EIF2AK4: variants seen among roughly 807,000 people sequenced by gnomAD.
The protein encoded by EIF2AK4 is eIF-2-alpha kinase GCN2.
In EIF2AK4, 139 loss-of-function variants were observed where a neutral mutation model predicts 211.1. That is an observed-to-expected ratio of 0.66 (90% CI 0.57 to 0.76). The LOEUF is 0.76. Among genes scored for constraint, EIF2AK4 ranks in the 30% least tolerant of loss-of-function variants. The pLI, the probability that EIF2AK4 is intolerant of heterozygous loss-of-function variation, is 0.00. For synonymous variants in EIF2AK4, 710 were observed against 751.3 expected, an observed-to-expected ratio of 0.94 and a Z score of 0.90; for missense variants, 1,664 against 2,043.8, an observed-to-expected ratio of 0.81 and a Z score of 3.58.
chr15:39,992,769 G>T lies in EIF2AK4; in HGVS notation c.2687G>T (p.Gly896Val), dbSNP rs754914951. The T allele has an allele frequency of 6.2e-7, 1 of 1,614,038 alleles. No homozygotes were observed. The highest frequency in any genetic ancestry group is 2.2e-5 in the East Asian group (1 of 44,880). The change falls in exon 18 of 39, where the codon GGT (glycine) becomes GTT (valine). Residue 896 changes from glycine to valine, a missense_variant and splice_region_variant. Physicochemically the swap from Gly to Val is moderately radical, Grantham distance 109. Coordinates refer to ENST00000263791, the MANE Select transcript of EIF2AK4 (RefSeq NM_001013703.4). Reference protein sequence around the residue: ...TGDLIKSDPSGHLTGMVGTAL... With the variant: ...TGDLIKSDPSVHLTGMVGTAL... The stretch of plus-strand genomic sequence containing the variant: ...TTTCCCTCTGTTTTCCTCCACACAG[G>T]TCACTTAACTGGGATGGTTGGCACT...
At chr15:39,937,794 A>G (rs1210549709) in intron 1 of EIF2AK4, among the ~76,000 whole-genome samples, 1 of 152,098 alleles carries the variant, frequency 6.6e-6, no homozygotes. Context: ...CTCCTCCTCC[A>G]GCTAGGCAGC....
chr15:39,998,656 T>C (rs1184638751), intron 19 of EIF2AK4, 75 bp from the exon 20 acceptor site: 2 of 1,173,062 alleles, frequency 1.7e-6, no homozygotes, highest in African/African-American at 3.1e-5. Context: ...TATTTGATTT[T>C]CTTACTTATG....
At chr15:39,953,796 G>A (rs1280747859) in intron 4 of EIF2AK4, 108 bp from the exon 5 acceptor site, 1 of 1,067,162 alleles carries the variant, frequency 9.4e-7, no homozygotes, top group African/African-American at 1.6e-5. Context: ...CTCTTAGGAA[G>A]AGAGGGTTTG....
intron 22 of EIF2AK4, 79 bp from the exon 23 acceptor site, chr15:40,003,114 C>G (rs2035114420): frequency 1.3e-6 from 2 of 1,564,336 alleles, no homozygotes; most frequent in Non-Finnish European, 1.7e-6. Context: ...ACTTAACTGT[C>G]AGGTTTGTGT....
At position 40,032,353 on chromosome 15, in the gene EIF2AK4, T is replaced by C. The variant is rs1321038217; in HGVS notation, c.4728+116T>C. ...CAGCAGAATTTGGATGCAGGCCTTA[T>C]TGTGATGTGAACTACACGCAATTTA... On this transcript the variant is annotated intron_variant, in intron 36 of 38. Coordinates refer to ENST00000263791, the MANE Select transcript of EIF2AK4 (RefSeq NM_001013703.4). 2.0e-5 allele frequency: 17 copies of C among 829,924 alleles called. 1 individual carries two copies. The highest frequency in any genetic ancestry group is 4.5e-5 in the Admixed American group (2 of 44,918). 51.4% of individuals were successfully genotyped at this position (829,924 alleles called of 1,614,324 possible).
chr15:39,946,036 G>C (rs1188040006), intron 3 of EIF2AK4, among the ~76,000 whole-genome samples: 1 of 152,186 alleles, frequency 6.6e-6, no homozygotes, highest in African/African-American at 2.4e-5. Context: ...AGATGTACAA[G>C]GAGATTAATG....
In EIF2AK4 at chr15:40,016,621, A is replaced by C; in HGVS notation, c.3879A>C (p.Lys1293Asn). The C allele has an allele frequency of 2.5e-6, 4 of 1,614,272 alleles. No homozygotes were observed. The highest frequency in any genetic ancestry group is 3.4e-6 in the Non-Finnish European group (4 of 1,180,046). Residue 1293 changes from lysine to asparagine, a missense_variant, in exon 28 of 39, where the codon AAA (lysine) becomes AAC (asparagine). Around this residue, in one of 7 missense-constraint regions of EIF2AK4, gnomAD observed 622 missense variants for 796.8 expected, o/e 0.78. Coordinates refer to ENST00000263791, the MANE Select transcript of EIF2AK4 (RefSeq NM_001013703.4). The part of the protein sequence containing the change: ...GIAQLVKYGL[K>N]DLEEVVGLLK... ...CACAGTTGGTGAAGTATGGCTTAAAAGACCTAGAGGAGGTTGTTGGACTGT... is the reference window on the plus strand; with the variant it reads ...CACAGTTGGTGAAGTATGGCTTAAACGACCTAGAGGAGGTTGTTGGACTGT...
intron 9 of EIF2AK4, among the ~76,000 whole-genome samples, chr15:39,972,087 G>C (rs1595401682): frequency 6.6e-6 from 1 of 152,100 alleles, no homozygotes; most frequent in Admixed American, 6.5e-5. Flanking sequence ...GGCCGGGCAC[G>C]GTGGCTCACG....
In EIF2AK4 at chr15:40,002,734, G is replaced by T; in HGVS notation, c.3181G>T (p.Ala1061Ser). ...ILKGNFSIRT[A>S]KMQQHVCETI... Reference sequence around the variant, plus strand: ...TTAGGGCAACTTCTCAATCCGTACAGCCAAGATGCAGCAGCATGTGTGTGA... The same window carrying T: ...TTAGGGCAACTTCTCAATCCGTACATCCAAGATGCAGCAGCATGTGTGTGA... Residue 1061 changes from alanine (A) to serine (S), a missense_variant, in exon 22 of 39, where the codon GCC (alanine) becomes TCC (serine). By Grantham distance (99) the Ala-to-Ser change is moderately conservative (BLOSUM62 1). This residue lies in a region of EIF2AK4 where 622 missense variants were observed against 796.8 expected (regional missense o/e 0.78). Coordinates refer to ENST00000263791, the MANE Select transcript of EIF2AK4 (RefSeq NM_001013703.4). 6.2e-7 allele frequency: 1 copy of T among 1,614,166 alleles called. No individual in the cohort carries two copies. The highest frequency in any genetic ancestry group is 8.5e-7 in the Non-Finnish European group (1 of 1,180,024).
chr15:40,024,480 C>T (rs910932926), intron 32 of EIF2AK4, among the ~76,000 whole-genome samples: 1 of 141,588 alleles, frequency 7.1e-6, no homozygotes, highest in Non-Finnish European at 1.5e-5. Flanking sequence ...GCAATCTCCA[C>T]TTGCTGCAAC....
chr15:40,029,598 T>A (rs1357396208), intron 34 of EIF2AK4, 134 bp downstream of exon 34: 1 of 882,824 alleles, frequency 1.1e-6, no homozygotes, highest in African/African-American at 1.7e-5. Flanking sequence ...TTGTACCACA[T>A]GGGATGCATC....
At chr15:39,994,428 C>T (rs530202735) in intron 18 of EIF2AK4, among the ~76,000 whole-genome samples, 2 of 152,160 alleles carry the variant, frequency 1.3e-5, no homozygotes, top group South Asian at 2.1e-4. Flanking sequence ...GGTAACATAG[C>T]GAGACCTCAT....
chr15:40,001,180 A>T lies in EIF2AK4; in HGVS notation c.3115A>T (p.Ile1039Phe), dbSNP rs2035085467. ...GATGGCCCAGATCTTCTCGCAGCGCATCTCCCCTGCCATCGATTACACCTA... is the reference window on the plus strand; with the variant it reads ...GATGGCCCAGATCTTCTCGCAGCGCTTCTCCCCTGCCATCGATTACACCTA... ...TMMAQIFSQR[I>F]SPAIDYTYDS... is the part of the protein sequence containing the mutation. The change falls in exon 21 of 39, where the codon ATC (isoleucine) becomes TTC (phenylalanine). Residue 1039 changes from isoleucine to phenylalanine, a missense_variant. Transcript: ENST00000263791. The T allele has an allele frequency of 6.2e-7, 1 of 1,613,866 alleles. No individual in the cohort carries two copies.
At chr15:39,976,122 A>G (rs1409703828) in intron 11 of EIF2AK4, among the ~76,000 whole-genome samples, 1 of 152,252 alleles carries the variant, frequency 6.6e-6, no homozygotes, top group Non-Finnish European at 1.5e-5. Context: ...TAGCAGATAC[A>G]TTGGAAAAGC....
At chr15:39,960,337 T>A (rs1392089263) in intron 6 of EIF2AK4, among the ~76,000 whole-genome samples, 1 of 151,546 alleles carries the variant, frequency 6.6e-6, no homozygotes, top group Non-Finnish European at 1.5e-5. Flanking sequence ...CAGGAGAAAG[T>A]TGGAGATGAA....
intron 7 of EIF2AK4, among the ~76,000 whole-genome samples, chr15:39,963,830 A>G (rs1334281714): frequency 2.0e-5 from 3 of 152,252 alleles, no homozygotes; most frequent in African/African-American, 7.2e-5. Context: ...TACTAAAATT[A>G]TAATTTTTTA....
intron 5 of EIF2AK4, 152 bp from the exon 6 acceptor site, chr15:39,955,468 A>G: frequency 1.3e-6 from 1 of 742,428 alleles, no homozygotes; most frequent in Middle Eastern, 4.0e-4. Flanking sequence ...CCTTCTAGCT[A>G]TTTTAAACGA....
At chr15:39,985,116 G>T (rs796398871) in intron 13 of EIF2AK4, among the ~76,000 whole-genome samples, 16 of 152,274 alleles carry the variant, frequency 1.1e-4, no homozygotes, top group African/African-American at 3.9e-4. Context: ...TAATCATATG[G>T]TTTTTGTCAT....
In EIF2AK4 at chr15:39,976,572, C is replaced by G; in HGVS notation, c.1977C>G (p.His659Gln). The G allele has an allele frequency of 1.2e-6, 2 of 1,611,858 alleles. No individual in the cohort carries two copies. Among genetic ancestry groups the G allele is most frequent in the Non-Finnish European group, 1.7e-6 (2 of 1,179,412 alleles). ...ACTACAACGCCTGGATCGAGCGGCA[C>G]GAGCGGCCGGCGGGACCGGGGACGC... ...VRYYNAWIER[H>Q]ERPAGPGTPP... is the part of the protein sequence containing the mutation. The change falls in exon 12 of 39, where the codon CAC becomes CAG. Residue 659 changes from histidine to glutamine, a missense_variant. By Grantham distance (24) the His-to-Gln change is conservative. Coordinates refer to ENST00000263791, the MANE Select transcript of EIF2AK4 (RefSeq NM_001013703.4).
Sources: allele counts gnomAD v4.1 joint callset (sites outside exome capture counted in the v4.1 genomes callset), GRCh38; gene constraint gnomAD v4.1.1; regional missense constraint gnomAD v4.1.1; transcripts MANE v1.5; gene names NCBI Gene and HGNC (gene_info 2026-07-23, HGNC 2026-07-21).